PLCB4: variants seen among roughly 807,000 people sequenced by gnomAD.
PLCB4 encodes phospholipase C beta 4, also known as 1-phosphatidylinositol 4,5-bisphosphate phosphodiesterase beta-4.
In PLCB4, 77 loss-of-function variants were observed where a neutral mutation model predicts 178.8. The observed-to-expected ratio is 0.43, with a 90% CI of 0.36 to 0.52. PLCB4 has a LOEUF of 0.52. PLCB4 is among the 20% of genes least tolerant of loss of function. PLCB4 has a pLI of 0.00. For synonymous variants in PLCB4, 496 were observed against 490.8 expected (o/e 1.01, Z -0.14); for missense variants, 1,024 against 1,453.4 (o/e 0.70, Z 4.80).
chr20:9,469,863 C>T (rs542137887), intron 36 of PLCB4, among the ~76,000 whole-genome samples: 25 of 152,296 alleles, frequency 1.6e-4, no homozygotes, highest in Non-Finnish European at 2.4e-4. Context: ...CCAGCGATCA[C>T]CAGTGCTGCC....
intron 19 of PLCB4, among the ~76,000 whole-genome samples, chr20:9,397,950 G>A (rs2038727401): frequency 6.6e-6 from 1 of 152,142 alleles, no homozygotes; most frequent in African/African-American, 2.4e-5. Flanking sequence ...GGGCTGACTG[G>A]TTCCCTTGGG....
At chr20:9,266,508 A>G (rs868697333) in intron 3 of PLCB4, among the ~76,000 whole-genome samples, 2 of 152,186 alleles carry the variant, frequency 1.3e-5, no homozygotes, top group Non-Finnish European at 2.9e-5. Context: ...ATCCACACCT[A>G]TATCAATTTA....
chr20:9,131,565 G>A (rs1274535607), intron 2 of PLCB4, among the ~76,000 whole-genome samples: 1 of 152,150 alleles, frequency 6.6e-6, no homozygotes, highest in Non-Finnish European at 1.5e-5. Context: ...GGTGGTTGCA[G>A]TTTTAATTTG....
At chr20:9,356,870 C>T (rs1473785053) in intron 7 of PLCB4, among the ~76,000 whole-genome samples, 1 of 152,142 alleles carries the variant, frequency 6.6e-6, no homozygotes, top group Non-Finnish European at 1.5e-5. Flanking sequence ...AATCCCAGCA[C>T]TTTAGGAGGC....
intron 7 of PLCB4, among the ~76,000 whole-genome samples, chr20:9,348,820 A>G (rs115876115): frequency 1.7e-4 from 26 of 152,318 alleles, no homozygotes; most frequent in African/African-American, 6.3e-4. Context: ...TGTCACCTGT[A>G]TCAGTGAAGT....
chr20:9,464,133 A>C (rs1261084766), intron 35 of PLCB4, among the ~76,000 whole-genome samples: 3 of 152,224 alleles, frequency 2.0e-5, no homozygotes, highest in African/African-American at 7.2e-5. Flanking sequence ...ACTCACTCAA[A>C]ACTGCAAAAC....
At chr20:9,215,178 T>G (rs1191481170) in intron 2 of PLCB4, among the ~76,000 whole-genome samples, 2 of 152,216 alleles carry the variant, frequency 1.3e-5, no homozygotes, top group Admixed American at 1.3e-4. Flanking sequence ...GAGCATCTAC[T>G]CTGTGCCAGG....
intron 25 of PLCB4, among the ~76,000 whole-genome samples, chr20:9,413,057 A>G (rs2039966139): frequency 6.6e-6 from 1 of 152,230 alleles, no homozygotes; most frequent in African/African-American, 2.4e-5. Flanking sequence ...AATCACACAC[A>G]CAGACATTGC....
chr20:9,423,919 G>T lies in PLCB4; in HGVS notation c.2491G>T (p.Val831Phe). The change falls in exon 28 of 40, where the codon GTT (valine) becomes TTT (phenylalanine). Residue 831 changes from valine to phenylalanine, a missense_variant. Physicochemically the swap from Val to Phe is conservative, Grantham distance 50. This residue lies in a region of PLCB4 where 227 missense variants were observed against 374.3 expected (regional missense o/e 0.61). Coordinates refer to ENST00000378473, the MANE Select transcript of PLCB4 (RefSeq NM_001377142.1). Reference sequence around the variant, plus strand: ...ACTACCAACAATTTTCTGCAATATTGTTCTTAAAACATATGTGCCTGATGG... The same window carrying T: ...ACTACCAACAATTTTCTGCAATATTTTTCTTAAAACATATGTGCCTGATGG... ...LSLPTIFCNI[V>F]LKTYVPDGFG... 6.2e-7 allele frequency: 1 copy of T among 1,612,560 alleles called. No individual in the cohort carries two copies.
chr20:9,280,646 A>G lies in PLCB4; in HGVS notation c.-15-27154A>G, dbSNP rs1314623030. 5.3e-5 allele frequency among the ~76,000 whole-genome samples: 8 copies of G among 152,020 alleles called. No homozygotes were observed. The East Asian group carries it at 1.6e-3, about 30-fold the overall frequency. On this transcript the variant is annotated intron_variant, in intron 3 of 39. Transcript: ENST00000378473. ...GTTTGTGACTTATTGATTTTGTACT[A>G]TGAACCTAGCCTGCTTTGCATCAGC...
chr20:9,389,737 G>A (rs2037980923), intron 15 of PLCB4, 142 bp from the exon 16 acceptor site: 1 of 576,484 alleles, frequency 1.7e-6, no homozygotes. Context: ...AACCTTTAGA[G>A]GTGTCAAGGT....
intron 3 of PLCB4, among the ~76,000 whole-genome samples, chr20:9,288,698 C>G (rs565309338): frequency 1.3e-5 from 2 of 151,678 alleles, no homozygotes; most frequent in African/African-American, 2.4e-5. Context: ...GGAGGGATGG[C>G]CACATGTGGA....
intron 32 of PLCB4, among the ~76,000 whole-genome samples, chr20:9,448,619 A>G (rs1243556541): frequency 7.6e-6 from 1 of 131,786 alleles, no homozygotes; most frequent in Non-Finnish European, 1.6e-5. Flanking sequence ...TTATGCACAG[A>G]CTTTTTTTTT....
intron 3 of PLCB4, among the ~76,000 whole-genome samples, chr20:9,251,901 A>G (rs1601441763): frequency 6.6e-6 from 1 of 152,182 alleles, no homozygotes; most frequent in Non-Finnish European, 1.5e-5. Context: ...TATTCATACT[A>G]TTATCATTTC....
At chr20:9,363,833 A>G (rs2035548823) in intron 8 of PLCB4, among the ~76,000 whole-genome samples, 2 of 152,348 alleles carry the variant, frequency 1.3e-5, no homozygotes, top group African/African-American at 2.4e-5. Flanking sequence ...CCCCAGCACC[A>G]AGAGTGTGAT....
chr20:9,391,492 A>G (rs1026948019), intron 17 of PLCB4, among the ~76,000 whole-genome samples: 1 of 152,214 alleles, frequency 6.6e-6, no homozygotes, highest in African/African-American at 2.4e-5. Context: ...GACAGCAGGA[A>G]GGTGCTTTGT....
chr20:9,369,115 C>G (rs1053951320), intron 9 of PLCB4, among the ~76,000 whole-genome samples: 2 of 152,128 alleles, frequency 1.3e-5, no homozygotes, highest in African/African-American at 4.8e-5. Flanking sequence ...CCAAAAGATT[C>G]AATTTCTGTG....
In PLCB4 at chr20:9,131,026, T is replaced by G. The variant is rs73600221; in HGVS notation, c.-79+34684T>G. ...AGCATGTAACAGCATCATGTGAAGT[T>G]ACATTGCATGCTTAGGGGTGGTACT... On this transcript the variant is annotated intron_variant, in intron 2 of 39. Transcript: ENST00000378473. 9.1e-4 allele frequency among the ~76,000 whole-genome samples: 138 copies of G among 152,288 alleles called. 4 individuals are homozygous for G. In the East Asian group the frequency reaches 0.022, roughly 25 times the overall value.
chr20:9,457,316 T>C, intron 33 of PLCB4, 98 bp from the exon 34 acceptor site: 2 of 718,000 alleles, frequency 2.8e-6, no homozygotes, highest in Non-Finnish European at 5.1e-6. Context: ...TCATATTTGA[T>C]GAATATATTA....
Sources: gnomAD v4.1 joint callset for allele counts (sites outside exome capture counted in the v4.1 genomes callset) on GRCh38, gnomAD v4.1.1 for gene constraint, gnomAD v4.1.1 regional missense constraint, MANE v1.5 for transcripts, NCBI Gene and HGNC (gene_info 2026-07-23, HGNC 2026-07-21) for gene names.